The following YES1 variants were observed in gnomAD, a reference collection of about 807,000 sequenced individuals.
The protein encoded by YES1 is tyrosine-protein kinase Yes.
A neutral mutation model predicts 70.4 loss-of-function variants in YES1; 39 were observed. The ratio of observed to expected loss-of-function variants is 0.55; its 90% CI spans 0.43 to 0.72. The LOEUF (loss-of-function observed/expected upper bound fraction) is 0.72, where lower values mean the gene tolerates loss of function less well. Among genes scored for constraint, YES1 ranks in the 30% least tolerant of loss-of-function variants. The probability of loss-of-function intolerance (pLI) is 0.00; values close to 1 mark genes in which losing one functional copy is unlikely to be tolerated. For synonymous variants in YES1, 198 were observed against 218.6 expected, an observed-to-expected ratio of 0.91 and a Z score of 0.83; for missense variants, 495 against 644.8, an observed-to-expected ratio of 0.77 and a Z score of 2.52.
intron 11 of YES1, 90 bp from the exon 12 acceptor site, chr18:724,722 A>T (rs1043186364): frequency 5.9e-5 from 58 of 976,588 alleles, no homozygotes; most frequent in Middle Eastern, 2.2e-4. Context: ...ACTCATTCAA[A>T]GTATATTATT....
chr18:766,360 T>G (rs1904909210), intron 1 of YES1, among the ~76,000 whole-genome samples: 1 of 152,090 alleles, frequency 6.6e-6, no homozygotes. Context: ...ATCAAATGAC[T>G]TGCTCCACAT....
chr18:727,773 G>A (rs994290794), intron 11 of YES1, among the ~76,000 whole-genome samples: 1 of 151,874 alleles, frequency 6.6e-6, no homozygotes, highest in African/African-American at 2.4e-5. Flanking sequence ...TTATAAATTC[G>A]GTAAGATTTT....
chr18:759,427 A>C (rs1904461276), intron 1 of YES1, among the ~76,000 whole-genome samples: 1 of 152,230 alleles, frequency 6.6e-6, no homozygotes, highest in South Asian at 2.1e-4. Flanking sequence ...AGATTGTGCC[A>C]TTGCACTCCA....
intron 11 of YES1, among the ~76,000 whole-genome samples, chr18:725,594 A>G (rs532946333): frequency 6.6e-6 from 1 of 152,308 alleles, no homozygotes; most frequent in East Asian, 1.9e-4. Flanking sequence ...TGTCATCTTC[A>G]TAAGTGAAAT....
rs939507685 is a variant in YES1 at position 799,458 on chromosome 18, C to A, written c.-9+12656G>T. 2.0e-5 allele frequency among the ~76,000 whole-genome samples: 3 copies of A among 149,372 alleles called. No individual in the cohort carries two copies. In the East Asian group the frequency reaches 6.0e-4, roughly 30 times the overall value. ...GGCATGGTGGCTCACGCCTGTAATC[C>A]CAGCACTCTGGGAGGCCAAGGTGGG... On this transcript the variant is annotated intron_variant, in intron 1 of 11. Transcript: ENST00000314574.
intron 1 of YES1, among the ~76,000 whole-genome samples, chr18:810,273 C>T (rs146110250): frequency 2.0e-5 from 3 of 152,272 alleles, no homozygotes; most frequent in Admixed American, 6.5e-5. Context: ...TCTTTTAGCA[C>T]ATTTATTCTT....
At chr18:809,856 C>T (rs1460611460) in intron 1 of YES1, among the ~76,000 whole-genome samples, 2 of 152,022 alleles carry the variant, frequency 1.3e-5, no homozygotes, top group African/African-American at 4.8e-5. Context: ...AAGACCAATA[C>T]CCTTGGTAAC....
intron 3 of YES1, among the ~76,000 whole-genome samples, chr18:748,388 G>A (rs2080305320): frequency 6.9e-6 from 1 of 145,330 alleles, no homozygotes; most frequent in Admixed American, 6.9e-5. Flanking sequence ...GCTTTAAGGT[G>A]TAATTTGCAT....
chr18:772,338 A>C (rs1905197969), intron 1 of YES1, among the ~76,000 whole-genome samples: 1 of 151,906 alleles, frequency 6.6e-6, no homozygotes, highest in South Asian at 2.1e-4. Context: ...CTGCATGTTC[A>C]AGTTTGAATG....
At chr18:746,883 TCTCC>T (rs2080287222) in intron 4 of YES1, among the ~76,000 whole-genome samples, 1 of 152,192 alleles carries the variant, frequency 6.6e-6, no homozygotes, top group Non-Finnish European at 1.5e-5. Flanking sequence ...TGTCATACTC[TCTCC>T]CTCTCTACAT....
At chr18:760,476 AC>A (rs1347307564) in intron 1 of YES1, among the ~76,000 whole-genome samples, 10 of 152,028 alleles carry the variant, frequency 6.6e-5, no homozygotes, top group African/African-American at 2.2e-4. Context: ...TCTAAAAAAA[AC>A]AAACAAACAA....
At chr18:768,963 G>C (rs951942441) in intron 1 of YES1, among the ~76,000 whole-genome samples, 1 of 152,016 alleles carries the variant, frequency 6.6e-6, no homozygotes, top group Non-Finnish European at 1.5e-5. Context: ...TCAGCCTCCC[G>C]AAGTGCTGGG....
chr18:757,273 G>A (rs765834475), intron 1 of YES1, among the ~76,000 whole-genome samples: 7 of 152,096 alleles, frequency 4.6e-5, no homozygotes, highest in South Asian at 2.1e-4. Flanking sequence ...GGAGGCCAAG[G>A]CGGGCGGATC....
chr18:778,815 G>A (rs1169776177), intron 1 of YES1, among the ~76,000 whole-genome samples: 1 of 152,122 alleles, frequency 6.6e-6, no homozygotes, highest in East Asian at 1.9e-4. Flanking sequence ...GAAAACATAG[G>A]CAGAGAGAAG....
chr18:741,610 C>G (rs1446482151), intron 8 of YES1, among the ~76,000 whole-genome samples: 1 of 152,044 alleles, frequency 6.6e-6, no homozygotes, highest in Non-Finnish European at 1.5e-5. Context: ...TCCAAACTAG[C>G]CTGGGAAACA....
intron 8 of YES1, among the ~76,000 whole-genome samples, chr18:740,989 C>T (rs1416969132): frequency 2.0e-5 from 3 of 152,206 alleles, no homozygotes; most frequent in Non-Finnish European, 1.5e-5. Context: ...CCTCTGCCTC[C>T]CTAGCTCAAG....
In YES1 at chr18:792,870, A is replaced by G. The variant is rs565905802; in HGVS notation, c.-9+19244T>C. On this transcript the variant is annotated intron_variant, in intron 1 of 11. Transcript: ENST00000314574. ...TCTCAATAAAAGCCAAGGGGGGGGAAAAAGCTTAAATCAACACCCACCCCT... is the reference window on the plus strand; with the variant it reads ...TCTCAATAAAAGCCAAGGGGGGGGAGAAAGCTTAAATCAACACCCACCCCT... Among the ~76,000 whole-genome samples the G allele has an allele frequency of 4.2e-3, 629 of 150,810 alleles. 4 individuals are homozygous for G. The highest frequency in any genetic ancestry group is 0.015 in the African/African-American group (592 of 40,432).
chr18:723,620 CCCTTT>C lies in YES1; in HGVS notation c.*799_*803del. On this transcript the variant is annotated 3_prime_UTR_variant, in exon 12 of 12. Transcript: ENST00000314574. ...TGCTATCTAAAGATCAAAACATTTCCCCTTTGATTGGACAGTAGTTTCAATTATAT... is the reference window on the plus strand; with the variant it reads ...TGCTATCTAAAGATCAAAACATTTCCGATTGGACAGTAGTTTCAATTATAT... 6.6e-6 allele frequency: 1 copy of C among 152,628 alleles called. No homozygotes were observed. The allele number at this position is 152,628 out of a possible 1,614,324, so 9.5% of individuals were successfully genotyped here. A position where few individuals can be genotyped will look rare whatever the true frequency, so the allele number is the denominator to read the frequency against.
intron 11 of YES1, among the ~76,000 whole-genome samples, chr18:729,381 C>T (rs1331986495): frequency 6.6e-6 from 1 of 151,804 alleles, no homozygotes; most frequent in African/African-American, 2.4e-5. Flanking sequence ...TGCCACTGTA[C>T]TCCAGCCTGG....
Sources: allele counts gnomAD v4.1 joint callset (sites outside exome capture counted in the v4.1 genomes callset), GRCh38; gene constraint gnomAD v4.1.1; transcripts MANE v1.5; gene names NCBI Gene and HGNC (gene_info 2026-07-23, HGNC 2026-07-21).